The following B3GALT1 variants were observed in gnomAD, a reference collection of about 807,000 sequenced individuals.
B3GALT1 encodes UDP-Gal:betaGlcNAc beta 1,3-galactosyltransferase, polypeptide 1.
Under a neutral mutation model 23.2 loss-of-function variants are expected in B3GALT1, and 10 were observed. The observed-to-expected ratio is 0.43, with a 90% confidence interval of 0.27 to 0.73. B3GALT1 has a LOEUF of 0.73. B3GALT1 is among the 30% of genes least tolerant of loss of function. B3GALT1 has a pLI of 0.21. For synonymous variants in B3GALT1, 156 were observed against 141.5 expected, an observed-to-expected ratio of 1.10 and a Z score of -0.73; for missense variants, 299 against 405.4, an observed-to-expected ratio of 0.74 and a Z score of 2.25.
intron 1 of B3GALT1, among the ~76,000 whole-genome samples, chr2:167,357,518 A>G (rs1996949): frequency 0.85 from 128,574 of 152,024 alleles, 55,090 homozygotes; most frequent in East Asian, 0.95. Context: ...GATATAGTTC[A>G]TCACTTGGGT....
intron 1 of B3GALT1, among the ~76,000 whole-genome samples, chr2:167,358,739 C>CTA (rs1301549033): frequency 6.6e-6 from 1 of 152,018 alleles, no homozygotes; most frequent in African/African-American, 2.4e-5. Context: ...TCAATTTTAC[C>CTA]TATATGGGTT....
At chr2:167,820,547 T>C (rs1190367576) in intron 4 of B3GALT1, among the ~76,000 whole-genome samples, 1 of 152,158 alleles carries the variant, frequency 6.6e-6, no homozygotes, top group Non-Finnish European at 1.5e-5. Flanking sequence ...AAGGTGTGGT[T>C]TTCTCCTTCA....
chr2:167,362,534 C>T (rs1697514262), intron 1 of B3GALT1, among the ~76,000 whole-genome samples: 1 of 152,136 alleles, frequency 6.6e-6, no homozygotes, highest in Non-Finnish European at 1.5e-5. Flanking sequence ...TACTTAGTCA[C>T]ATTTTCATTT....
chr2:167,303,098 G>A (rs188540160), intron 1 of B3GALT1, among the ~76,000 whole-genome samples: 3 of 152,186 alleles, frequency 2.0e-5, no homozygotes, highest in Admixed American at 2.0e-4. Flanking sequence ...GAATAAAAGA[G>A]GAAAAAGAAA....
intron 3 of B3GALT1, chr2:167,714,021 C>T (rs1390061728): frequency 1.4e-5 from 22 of 1,542,070 alleles, no homozygotes; most frequent in Middle Eastern, 1.7e-4. Context: ...GCTTCATTTT[C>T]GGCAGGGAGA....
At chr2:167,684,472 T>C (rs891664046) in intron 3 of B3GALT1, among the ~76,000 whole-genome samples, 1 of 152,194 alleles carries the variant, frequency 6.6e-6, no homozygotes, top group African/African-American at 2.4e-5. Flanking sequence ...CCCTCTCACC[T>C]TTTTTCAGAT....
chr2:167,669,531 C>G (rs180721631), intron 3 of B3GALT1, among the ~76,000 whole-genome samples: 5 of 152,134 alleles, frequency 3.3e-5, no homozygotes, highest in African/African-American at 1.2e-4. Flanking sequence ...TTTAAATCAT[C>G]ATGATTTTGA....
chr2:167,814,029 A>T (rs1269192107), intron 3 of B3GALT1, among the ~76,000 whole-genome samples: 2 of 152,228 alleles, frequency 1.3e-5, no homozygotes, highest in African/African-American at 2.4e-5. Context: ...AAACAAATAC[A>T]TGCCATAATT....
intron 1 of B3GALT1, among the ~76,000 whole-genome samples, chr2:167,448,513 G>A (rs6732833): frequency 0.017 from 2,655 of 152,078 alleles, 85 homozygotes; most frequent in African/African-American, 0.061. Flanking sequence ...CTGGATACCC[G>A]TCCTTTGTCA....
chr2:167,661,706 C>T (rs552014980), intron 3 of B3GALT1, among the ~76,000 whole-genome samples: 31 of 152,140 alleles, frequency 2.0e-4, no homozygotes, highest in African/African-American at 7.2e-4. Context: ...TTGCTCTTTT[C>T]CAAGTTAAAT....
intron 1 of B3GALT1, among the ~76,000 whole-genome samples, chr2:167,396,530 ATATATGTG>A (rs889845444): frequency 1.1e-4 from 8 of 72,686 alleles, no homozygotes; most frequent in Admixed American, 6.2e-4. Flanking sequence ...ATATATATAT[ATATATGTG>A]TGTGTGTGTG....
intron 1 of B3GALT1, among the ~76,000 whole-genome samples, chr2:167,405,776 T>G (rs1390070093): frequency 2.6e-5 from 4 of 152,138 alleles, no homozygotes; most frequent in Non-Finnish European, 5.9e-5. Context: ...TGCTTTTGGC[T>G]GTGATTTAAA....
At chr2:167,694,908 CTCTTTTTAAATT>C (rs2105504582) in intron 3 of B3GALT1, among the ~76,000 whole-genome samples, 1 of 152,216 alleles carries the variant, frequency 6.6e-6, no homozygotes, top group South Asian at 2.1e-4. Flanking sequence ...GTCTACTTCT[CTCTTTTTAAATT>C]TCTTTGCTTA....
At position 167,868,843 on chromosome 2, in the gene B3GALT1, C is replaced by T; in HGVS notation, c.-197C>T. 1 of 576,518 alleles carries T rather than the reference C, an allele frequency of 1.7e-6. No homozygotes were observed. Among genetic ancestry groups the T allele is most frequent in the Non-Finnish European group, 3.0e-6 (1 of 337,922 alleles). 35.7% of individuals were successfully genotyped at this position (576,518 alleles called of 1,614,324 possible). A position where few individuals can be genotyped will look rare whatever the true frequency, so the allele number is the denominator to read the frequency against. On this transcript the variant is annotated 5_prime_UTR_variant, in exon 5 of 5. Transcript: ENST00000392690. ...AGGAAGATTTATGAGTCATGGAACC[C>T]TCCATCAGATTTGGAAGAAAGTAGA...
At chr2:167,621,904 A>G (rs1460767495) in intron 2 of B3GALT1, among the ~76,000 whole-genome samples, 2 of 152,044 alleles carry the variant, frequency 1.3e-5, no homozygotes, top group Non-Finnish European at 2.9e-5. Context: ...ATGTTTCCTG[A>G]AGCCTTCCCA....
At chr2:167,458,552 T>C (rs1559103427) in intron 1 of B3GALT1, among the ~76,000 whole-genome samples, 1 of 152,352 alleles carries the variant, frequency 6.6e-6, no homozygotes, top group Middle Eastern at 3.4e-3. Flanking sequence ...CCACACCAGC[T>C]GTACTATTGT....
At chr2:167,659,145 G>T (rs1011083226) in intron 3 of B3GALT1, among the ~76,000 whole-genome samples, 3 of 151,732 alleles carry the variant, frequency 2.0e-5, no homozygotes, top group Non-Finnish European at 4.4e-5. Context: ...CCAACTCAGA[G>T]ATATAAACAA....
chr2:167,445,287 A>T (rs1035580226), intron 1 of B3GALT1, among the ~76,000 whole-genome samples: 8 of 152,190 alleles, frequency 5.3e-5, no homozygotes, highest in African/African-American at 1.9e-4. Context: ...ACTTCCACCT[A>T]CGTGGTCAAT....
At chr2:167,544,158 A>G (rs1683584910) in intron 2 of B3GALT1, among the ~76,000 whole-genome samples, 1 of 152,238 alleles carries the variant, frequency 6.6e-6, no homozygotes, top group African/African-American at 2.4e-5. Context: ...CCTGGGTCAC[A>G]TGAAGACCTA....
Sources: gnomAD v4.1 joint callset for allele counts (sites outside exome capture counted in the v4.1 genomes callset) on GRCh38, gnomAD v4.1.1 for gene constraint, MANE v1.5 for transcripts, NCBI Gene and HGNC (gene_info 2026-07-23, HGNC 2026-07-21) for gene names.